TRIO: variants seen among roughly 807,000 people sequenced by gnomAD.
TRIO encodes trio Rho guanine nucleotide exchange factor.
In TRIO, 58 loss-of-function variants were observed where a neutral mutation model predicts 351.9. The observed-to-expected ratio is 0.16, with a 90% CI of 0.13 to 0.21. TRIO has a LOEUF of 0.21. Among genes scored for constraint, TRIO ranks in the 10% least tolerant of loss-of-function variants. The pLI is 1.00. For synonymous variants in TRIO, 1,758 were observed against 1,595.7 expected (o/e 1.10, Z -2.42); for missense variants, 3,201 against 4,027.8 (o/e 0.79, Z 5.56).
At chr5:14,311,564 C>T (rs1738935886) in intron 8 of TRIO, among the ~76,000 whole-genome samples, 2 of 152,240 alleles carry the variant, frequency 1.3e-5, no homozygotes, top group Non-Finnish European at 2.9e-5. Flanking sequence ...AACCTCCTTA[C>T]TCAGAAGGGT....
In TRIO at chr5:14,378,028, C is replaced by T. The variant is rs577842024; in HGVS notation, c.3348C>T (p.Leu1116=). 60 of 1,612,678 alleles carry T rather than the reference C, an allele frequency of 3.7e-5. 1 individual carries two copies. The Middle Eastern group carries it at 6.6e-4, about 18-fold the overall frequency. Residue 1116 remains leucine, a synonymous_variant, in exon 20 of 57, where the codon CTC becomes CTT. Transcript: ENST00000344204. ...EQQVKNILNE[L]FQRENRVLHY... Reference sequence around the variant, plus strand: ...TTCTCTCAGATATCTTGAATGAACTCTTCCAACGGGAGAACAGGGTATTGC... The same window carrying T: ...TTCTCTCAGATATCTTGAATGAACTTTTCCAACGGGAGAACAGGGTATTGC...
chr5:14,365,254 CA>C (rs763171724), intron 15 of TRIO, among the ~76,000 whole-genome samples: 9 of 152,192 alleles, frequency 5.9e-5, no homozygotes, highest in Non-Finnish European at 1.2e-4. Context: ...GATGGCATGA[CA>C]AAGTGAAAAT....
In TRIO at chr5:14,471,384, C is replaced by G; in HGVS notation, c.5830C>G (p.Pro1944Ala). The G allele has an allele frequency of 1.2e-6, 2 of 1,614,144 alleles. No homozygotes were observed. The highest frequency in any genetic ancestry group is 1.7e-6 in the Non-Finnish European group (2 of 1,180,020). ...AGATAGTAGCAGCCCTTCCTTCAAC[C>G]CTTCGGATAATTCCCTTCTCTCTTC... ...QGDSSSPSFN[P>A]SDNSLLSSSS... is the part of the protein sequence containing the mutation. The change falls in exon 38 of 57, where the codon CCT becomes GCT. Residue 1944 changes from proline to alanine, a missense_variant. This residue lies in a region of TRIO where 307 missense variants were observed against 396.5 expected (regional missense o/e 0.77). Transcript: ENST00000344204.
At chr5:14,256,892 ATTACT>A (rs1283023580) in intron 1 of TRIO, among the ~76,000 whole-genome samples, 1 of 152,184 alleles carries the variant, frequency 6.6e-6, no homozygotes, top group Non-Finnish European at 1.5e-5. Context: ...GTGGCTTTTC[ATTACT>A]TTAAACAAAT....
intron 33 of TRIO, among the ~76,000 whole-genome samples, chr5:14,417,649 C>G (rs1047244047): frequency 6.6e-6 from 1 of 152,216 alleles, no homozygotes; most frequent in African/African-American, 2.4e-5. Flanking sequence ...GCAGCACACT[C>G]TTGTGTCCCT....
intron 1 of TRIO, among the ~76,000 whole-genome samples, chr5:14,218,609 C>T (rs944866762): frequency 3.3e-5 from 5 of 152,104 alleles, no homozygotes; most frequent in Non-Finnish European, 7.4e-5. Flanking sequence ...GGGCCCTGGG[C>T]GAGGCTGCGC....
chr5:14,412,910 G>A (rs1249767619), intron 33 of TRIO, among the ~76,000 whole-genome samples: 2 of 152,186 alleles, frequency 1.3e-5, no homozygotes, highest in African/African-American at 4.8e-5. Context: ...GTGGTCTTGG[G>A]CAAGTCACCT....
chr5:14,369,586 G>T, intron 18 of TRIO, 63 bp downstream of exon 18: 1 of 1,522,448 alleles, frequency 6.6e-7, no homozygotes, highest in East Asian at 2.4e-5. Flanking sequence ...GGTGCGCGTG[G>T]CACAGTCATC....
At chr5:14,310,459 A>G (rs1005741378) in intron 8 of TRIO, among the ~76,000 whole-genome samples, 2 of 152,228 alleles carry the variant, frequency 1.3e-5, no homozygotes, top group Admixed American at 1.3e-4. Context: ...AAATGTGCCA[A>G]CTTAGTGTGT....
chr5:14,321,061 C>T (rs1052206090), intron 9 of TRIO, among the ~76,000 whole-genome samples: 2 of 152,084 alleles, frequency 1.3e-5, no homozygotes, highest in Non-Finnish European at 2.9e-5. Flanking sequence ...TCTTCTCAAA[C>T]GTCAAGGGTC....
At position 14,292,934 on chromosome 5, in the gene TRIO, G is replaced by T. The variant is rs1285367516; in HGVS notation, c.1054-78G>T. On this transcript the variant is annotated intron_variant, in intron 5 of 56. Coordinates refer to ENST00000344204, the MANE Select transcript of TRIO (RefSeq NM_007118.4). ...CAGGGAAGGAAGTTGCCCTTTCTTG[G>T]TACTGCCCCATCTGTGGGCTTGTGT... The T allele has an allele frequency of 4.4e-6, 7 of 1,598,834 alleles. No individual in the cohort carries two copies. The Admixed American group carries it at 1.2e-4, about 27-fold the overall frequency.
intron 1 of TRIO, among the ~76,000 whole-genome samples, chr5:14,173,466 C>T (rs1280043888): frequency 1.3e-5 from 2 of 152,136 alleles, no homozygotes; most frequent in African/African-American, 4.8e-5. Context: ...CCCGCCTCAG[C>T]TTCCCAAAGT....
intron 9 of TRIO, among the ~76,000 whole-genome samples, chr5:14,320,352 C>G (rs114401779): frequency 6.6e-6 from 1 of 152,130 alleles, no homozygotes. Context: ...CTCAACTGTT[C>G]GGCTGGCGTG....
chr5:14,385,784 G>A (rs1230793839), intron 21 of TRIO, among the ~76,000 whole-genome samples: 2 of 152,168 alleles, frequency 1.3e-5, no homozygotes, highest in Non-Finnish European at 2.9e-5. Context: ...CAGATTTATG[G>A]TACTTAGTTT....
At chr5:14,397,613 T>C (rs904996964) in intron 29 of TRIO, among the ~76,000 whole-genome samples, 2 of 152,208 alleles carry the variant, frequency 1.3e-5, no homozygotes, top group Non-Finnish European at 2.9e-5. Context: ...TAGATAAATA[T>C]GTTTCAAAAT....
intron 1 of TRIO, among the ~76,000 whole-genome samples, chr5:14,210,089 G>A (rs1791790619): frequency 6.6e-6 from 1 of 152,232 alleles, no homozygotes; most frequent in South Asian, 2.1e-4. Flanking sequence ...GCGAGTGCAG[G>A]GTATGGCGCC....
At chr5:14,366,795 C>G (rs115121042) in intron 15 of TRIO, 65 bp from the exon 16 acceptor site, 1 of 1,606,122 alleles carries the variant, frequency 6.2e-7, no homozygotes, top group East Asian at 2.2e-5. Flanking sequence ...TGTATCTCAC[C>G]CCTGGTGGTC....
chr5:14,150,404 C>T (rs1225855950), intron 1 of TRIO, among the ~76,000 whole-genome samples: 1 of 151,990 alleles, frequency 6.6e-6, no homozygotes, highest in Non-Finnish European at 1.5e-5. Flanking sequence ...TTAAAATTCA[C>T]AGACCTTTAC....
intron 9 of TRIO, among the ~76,000 whole-genome samples, chr5:14,328,916 AG>A (rs1183670314): frequency 1.3e-5 from 2 of 152,168 alleles, no homozygotes; most frequent in Admixed American, 6.5e-5. Flanking sequence ...CAGTTCTAGA[AG>A]GGTCTGTACA....
Sources: gnomAD v4.1 joint callset for allele counts (sites outside exome capture counted in the v4.1 genomes callset) on GRCh38, gnomAD v4.1.1 for gene constraint, gnomAD v4.1.1 regional missense constraint, MANE v1.5 for transcripts, NCBI Gene and HGNC (gene_info 2026-07-23, HGNC 2026-07-21) for gene names.